BANF2: variants seen among roughly 807,000 people sequenced by gnomAD.
The protein encoded by BANF2 is BANF family member 2.
In BANF2, 4 loss-of-function variants were observed where a neutral mutation model predicts 8.0. That is an observed-to-expected ratio of 0.50 (90% confidence interval 0.25 to 1.14). BANF2 has a LOEUF of 1.14. BANF2 is among the 50% of genes most tolerant of loss of function. BANF2 has a pLI of 0.16. For missense variants in BANF2, 96 were observed against 107.5 expected (o/e 0.89, Z 0.47); for synonymous variants, 50 against 40.6 (o/e 1.23, Z -0.88).
chr20:17,735,606 G>C (rs1017621650), intron 3 of BANF2, 59 bp from the exon 4 acceptor site: 1 of 1,555,986 alleles, frequency 6.4e-7, no homozygotes, highest in East Asian at 2.3e-5. Flanking sequence ...GGAAGAGCGC[G>C]TCTGAGCTGG....
At chr20:17,721,425 T>C (rs554480808) in intron 1 of BANF2, among the ~76,000 whole-genome samples, 2 of 151,888 alleles carry the variant, frequency 1.3e-5, no homozygotes, top group Admixed American at 6.6e-5. Context: ...GGAGTCTCGC[T>C]CTGTTGCCCA....
intron 1 of BANF2, among the ~76,000 whole-genome samples, chr20:17,706,140 G>A (rs755999966): frequency 6.6e-6 from 1 of 152,212 alleles, no homozygotes; most frequent in African/African-American, 2.4e-5. Flanking sequence ...CAAATCCGGA[G>A]AGTCAGCACA....
At chr20:17,715,779 T>A (rs955988023) in intron 1 of BANF2, among the ~76,000 whole-genome samples, 2 of 152,342 alleles carry the variant, frequency 1.3e-5, no homozygotes, top group South Asian at 2.1e-4. Context: ...GTTAGAACTC[T>A]GTTATAAAAG....
At chr20:17,732,908 A>C (rs1402738994) in intron 3 of BANF2, among the ~76,000 whole-genome samples, 6 of 152,204 alleles carry the variant, frequency 3.9e-5, no homozygotes, top group Admixed American at 6.5e-5. Context: ...TGGCAGGGCC[A>C]TGATGGGAGC....
intron 1 of BANF2, among the ~76,000 whole-genome samples, chr20:17,702,959 G>A (rs1224005673): frequency 1.3e-5 from 2 of 152,098 alleles, no homozygotes; most frequent in African/African-American, 4.8e-5. Context: ...GGCTGGTGGC[G>A]GTGTGCTAGA....
rs374213029 is a variant in BANF2 at position 17,702,668 on chromosome 20, G to A, written c.-167+2613G>A. Among the ~76,000 whole-genome samples the A allele has an allele frequency of 2.2e-4, 34 of 152,292 alleles. No individual in the cohort carries two copies. The East Asian group carries it at 2.7e-3, about 12-fold the overall frequency. ...TTGGACCCACTGTTGGGCTGGAAAA[G>A]CCTCATTTAACCCTGGGGAAAACTG... On this transcript the variant is annotated intron_variant, in intron 1 of 3. Coordinates refer to ENST00000246090, the MANE Select transcript of BANF2 (RefSeq NM_178477.5).
intron 1 of BANF2, among the ~76,000 whole-genome samples, chr20:17,706,763 C>T (rs542920545): frequency 6.6e-6 from 1 of 152,198 alleles, no homozygotes. Context: ...ATTCAATGAG[C>T]AGATGGCAGT....
In BANF2 at chr20:17,705,612, T is replaced by G. The variant is rs770601602; in HGVS notation, c.-167+5557T>G. Among the ~76,000 whole-genome samples the G allele has an allele frequency of 2.0e-5, 3 of 152,198 alleles. No individual in the cohort carries two copies. The South Asian group carries it at 6.2e-4, about 32-fold the overall frequency. On this transcript the variant is annotated intron_variant, in intron 1 of 3. Transcript: ENST00000246090. ...TTACAGGACTTTTCAAAGCCGTAAA[T>G]AGGCTGGTGTACATTGTGAATCCCT...
At chr20:17,717,147 A>C (rs1306085369) in intron 1 of BANF2, among the ~76,000 whole-genome samples, 2 of 152,134 alleles carry the variant, frequency 1.3e-5, no homozygotes, top group Non-Finnish European at 2.9e-5. Flanking sequence ...TCAGATTCTG[A>C]GGGGTGAGCA....
intron 1 of BANF2, among the ~76,000 whole-genome samples, chr20:17,706,311 C>G (rs538373805): frequency 3.9e-5 from 6 of 152,294 alleles, no homozygotes; most frequent in Admixed American, 2.0e-4. Context: ...CTGGGCACTT[C>G]ATATGAGCTC....
chr20:17,697,505 C>A (rs1345419164), upstream of BANF2, among the ~76,000 whole-genome samples: 2 of 152,192 alleles, frequency 1.3e-5, no homozygotes, highest in African/African-American at 2.4e-5. Flanking sequence ...TTATACCAAG[C>A]CAATTTATAT....
intron 1 of BANF2, among the ~76,000 whole-genome samples, chr20:17,705,501 G>A (rs1242050243): frequency 2.0e-5 from 3 of 152,216 alleles, no homozygotes; most frequent in Admixed American, 6.5e-5. Context: ...TGGTTCAAGG[G>A]AAGCTAACTG....
At chr20:17,726,012 A>T (rs1175994422) in intron 3 of BANF2, among the ~76,000 whole-genome samples, 1 of 152,132 alleles carries the variant, frequency 6.6e-6, no homozygotes, top group Non-Finnish European at 1.5e-5. Flanking sequence ...CTAGCTGGTA[A>T]ATACTCAGAA....
chr20:17,707,601 T>C (rs1012516293), intron 1 of BANF2, among the ~76,000 whole-genome samples: 3 of 152,056 alleles, frequency 2.0e-5, no homozygotes, highest in African/African-American at 7.2e-5. Context: ...TTTTTTGAGA[T>C]GGAGTTTTGC....
chr20:17,724,718 A>T (rs1433114386), intron 2 of BANF2, among the ~76,000 whole-genome samples: 1 of 152,206 alleles, frequency 6.6e-6, no homozygotes, highest in Non-Finnish European at 1.5e-5. Flanking sequence ...GAATGGGGTG[A>T]GTTGGAAAGA....
At chr20:17,718,466 C>T (rs1013916604) in intron 1 of BANF2, among the ~76,000 whole-genome samples, 7 of 152,204 alleles carry the variant, frequency 4.6e-5, no homozygotes, top group Non-Finnish European at 7.3e-5. Flanking sequence ...TGAGCTACCG[C>T]GCCCAGCCTG....
chr20:17,726,085 C>A (rs1412862875), intron 3 of BANF2, among the ~76,000 whole-genome samples: 1 of 152,196 alleles, frequency 6.6e-6, no homozygotes, highest in Non-Finnish European at 1.5e-5. Flanking sequence ...AATGGAAGTG[C>A]CCCTATTGGG....
At chr20:17,730,100 G>A (rs1393868127) in intron 3 of BANF2, among the ~76,000 whole-genome samples, 1 of 152,238 alleles carries the variant, frequency 6.6e-6, no homozygotes, top group Non-Finnish European at 1.5e-5. Context: ...CCTGAAGGAT[G>A]AGACTGGAGG....
At chr20:17,708,119 C>T (rs551747273) in intron 1 of BANF2, among the ~76,000 whole-genome samples, 3 of 150,744 alleles carry the variant, frequency 2.0e-5, no homozygotes, top group Non-Finnish European at 2.9e-5. Context: ...CCCAGCTACT[C>T]GAGAGGCTGA....
Sources: gnomAD v4.1 joint callset for allele counts (sites outside exome capture counted in the v4.1 genomes callset) on GRCh38, gnomAD v4.1.1 for gene constraint, MANE v1.5 for transcripts, NCBI Gene and HGNC (gene_info 2026-07-23, HGNC 2026-07-21) for gene names.